Variants in NRF1 observed in about 807,000 individuals in gnomAD.
NRF1 encodes nuclear respiratory factor 1.
In NRF1, 5 loss-of-function variants were observed where a neutral mutation model predicts 58.5. The ratio of observed to expected loss-of-function variants is 0.09; its 90% CI spans 0.04 to 0.18. The LOEUF (loss-of-function observed/expected upper bound fraction) is 0.18. NRF1 is among the 10% of genes least tolerant of loss of function. The pLI is 1.00. For missense variants in NRF1, 288 were observed against 657.7 expected, an observed-to-expected ratio of 0.44 and a Z score of 6.15; for synonymous variants, 224 against 246.7, an observed-to-expected ratio of 0.91 and a Z score of 0.86.
intron 2 of NRF1, among the ~76,000 whole-genome samples, chr7:129,664,556 A>G (rs1801877887): frequency 1.3e-5 from 2 of 152,228 alleles, no homozygotes; most frequent in Non-Finnish European, 1.5e-5. Flanking sequence ...AAATGTTTGT[A>G]AAATATATTT....
chr7:129,695,298 C>T (rs892598589), intron 5 of NRF1, among the ~76,000 whole-genome samples: 4 of 151,480 alleles, frequency 2.6e-5, no homozygotes, highest in Non-Finnish European at 5.9e-5. Context: ...TTAACACTGC[C>T]GGGCATGGTG....
chr7:129,718,947 C>T (rs1012236218), intron 9 of NRF1, among the ~76,000 whole-genome samples: 14 of 152,052 alleles, frequency 9.2e-5, no homozygotes, highest in African/African-American at 2.4e-4. Context: ...ATTCTCATCG[C>T]GGTGTCCAAC....
At chr7:129,642,061 C>T (rs1329100829) in intron 1 of NRF1, among the ~76,000 whole-genome samples, 1 of 151,294 alleles carries the variant, frequency 6.6e-6, no homozygotes, top group Non-Finnish European at 1.5e-5. Flanking sequence ...TCACTGCAAC[C>T]TCCGCCTCCC....
chr7:129,717,867 C>T (rs983359241), intron 9 of NRF1, among the ~76,000 whole-genome samples: 12 of 152,142 alleles, frequency 7.9e-5, no homozygotes, highest in Non-Finnish European at 1.5e-4. Context: ...TAAGAGGCTT[C>T]GGATTATTGT....
At chr7:129,728,882 G>A (rs1255610425) in intron 10 of NRF1, among the ~76,000 whole-genome samples, 1 of 152,174 alleles carries the variant, frequency 6.6e-6, no homozygotes, top group East Asian at 1.9e-4. Context: ...AATGCTGTAG[G>A]ACAAAGGACA....
chr7:129,722,252 G>A (rs1410942234), intron 9 of NRF1, among the ~76,000 whole-genome samples: 2 of 152,038 alleles, frequency 1.3e-5, no homozygotes, highest in Admixed American at 6.6e-5. Context: ...GTAGCCGGGC[G>A]TGGTGGTGCA....
intron 9 of NRF1, among the ~76,000 whole-genome samples, chr7:129,724,506 A>G (rs553209747): frequency 1.5e-4 from 23 of 152,222 alleles, no homozygotes; most frequent in African/African-American, 5.3e-4. Context: ...GGACTACCGT[A>G]TGTTGCAGCA....
chr7:129,691,271 A>G (rs2072633558), intron 5 of NRF1, among the ~76,000 whole-genome samples: 1 of 151,940 alleles, frequency 6.6e-6, no homozygotes, highest in South Asian at 2.1e-4. Flanking sequence ...TTATGAAATT[A>G]TCCCCTTTAT....
intron 1 of NRF1, among the ~76,000 whole-genome samples, chr7:129,625,900 T>C (rs1412089847): frequency 6.6e-6 from 1 of 152,126 alleles, no homozygotes; most frequent in Non-Finnish European, 1.5e-5. Flanking sequence ...GCCAGGATGG[T>C]CTTGATTTTC....
At position 129,690,447 on chromosome 7, in the gene NRF1, T is replaced by C. The variant is rs753065116; in HGVS notation, c.507T>C (p.Ser169=). The part of the protein sequence containing the change: ...YKSMILEDLE[S]ALAEHAPAPQ... ...GCATGATCCTGGAAGACCTGGAGTC[T>C]GCTCTGGCAGAACACGCCCCTGCGC... The change falls in exon 5 of 11, where the codon TCT becomes TCC. Residue 169 remains serine (S), a synonymous_variant. Coordinates refer to ENST00000393232, the MANE Select transcript of NRF1 (RefSeq NM_005011.5). 5 of 1,614,060 alleles carry C rather than the reference T, an allele frequency of 3.1e-6. No homozygotes were observed. The highest frequency in any genetic ancestry group is 1.3e-5 in the African/African-American group (1 of 74,934).
At chr7:129,699,882 G>A (rs548311846) in intron 5 of NRF1, among the ~76,000 whole-genome samples, 13 of 151,964 alleles carry the variant, frequency 8.6e-5, no homozygotes, top group African/African-American at 3.1e-4. Flanking sequence ...GCTCATGCCT[G>A]TAATCCCAGC....
intron 5 of NRF1, among the ~76,000 whole-genome samples, chr7:129,706,201 G>A (rs1802946546): frequency 6.6e-6 from 1 of 152,190 alleles, no homozygotes; most frequent in African/African-American, 2.4e-5. Flanking sequence ...CCAGATTGTG[G>A]TGGGTCTGAA....
chr7:129,645,250 T>G (rs896886525), intron 1 of NRF1, among the ~76,000 whole-genome samples: 1 of 152,212 alleles, frequency 6.6e-6, no homozygotes, highest in African/African-American at 2.4e-5. Flanking sequence ...TTGACAGATG[T>G]TACAACTAAG....
chr7:129,722,701 G>T (rs1292548696), intron 9 of NRF1, among the ~76,000 whole-genome samples: 1 of 152,156 alleles, frequency 6.6e-6, no homozygotes, highest in African/African-American at 2.4e-5. Flanking sequence ...ATAACTTCAA[G>T]TTTTTAGGGC....
chr7:129,700,396 A>G (rs998169501), intron 5 of NRF1, among the ~76,000 whole-genome samples: 2 of 152,194 alleles, frequency 1.3e-5, no homozygotes, highest in African/African-American at 4.8e-5. Flanking sequence ...ATTAAGTCAT[A>G]GTCTTCAGGG....
chr7:129,626,808 C>G (rs1233804647), intron 1 of NRF1, among the ~76,000 whole-genome samples: 2 of 152,188 alleles, frequency 1.3e-5, no homozygotes, highest in Non-Finnish European at 1.5e-5. Flanking sequence ...AATGGCTGAT[C>G]ACCTTCAGGT....
At chr7:129,636,078 AG>A (rs1463200022) in intron 1 of NRF1, among the ~76,000 whole-genome samples, 3 of 151,990 alleles carry the variant, frequency 2.0e-5, no homozygotes, top group African/African-American at 7.3e-5. Context: ...TAAGTACAGG[AG>A]TGGTCTTTGT....
chr7:129,646,056 G>A lies in NRF1; in HGVS notation c.-6-11290G>A, dbSNP rs1228063102. ...GTAGAGACAGGGTTTCATCATGTTG[G>A]CCAGGCTGGTCTTGAACTTCTGACC... On this transcript the variant is annotated intron_variant, in intron 1 of 10. Coordinates refer to ENST00000393232, the MANE Select transcript of NRF1 (RefSeq NM_005011.5). 2.6e-5 allele frequency among the ~76,000 whole-genome samples: 4 copies of A among 152,242 alleles called. No homozygotes were observed. In the East Asian group the frequency reaches 5.8e-4, roughly 22 times the overall value.
chr7:129,657,720 C>T (rs1801691382), intron 2 of NRF1, 146 bp downstream of exon 2: 2 of 608,516 alleles, frequency 3.3e-6, no homozygotes, highest in Non-Finnish European at 2.9e-6. Flanking sequence ...AGTGATTCTC[C>T]CATCTCAGCC....
Sources: allele counts gnomAD v4.1 joint callset (sites outside exome capture counted in the v4.1 genomes callset), GRCh38; gene constraint gnomAD v4.1.1; transcripts MANE v1.5; gene names NCBI Gene and HGNC (gene_info 2026-07-23, HGNC 2026-07-21).